MFF: variants seen among roughly 807,000 people sequenced by gnomAD.
The protein encoded by MFF is chromosome 2 open reading frame 33.
MFF carries 12 observed loss-of-function variants against 36.9 expected under a neutral mutation model. The observed-to-expected ratio is 0.33, with a 90% CI of 0.21 to 0.53. The LOEUF is 0.53. Ranked by LOEUF, MFF falls within the 20% of genes least tolerant of loss-of-function variation. MFF has a pLI of 0.95. For synonymous variants in MFF, 99 were observed against 126.2 expected (o/e 0.78, Z 1.44); for missense variants, 348 against 366.6 (o/e 0.95, Z 0.42).
At position 227,347,120 on chromosome 2, in the gene MFF, AG is replaced by A. The variant is rs376657778; in HGVS notation, c.441-102del. On this transcript the variant is annotated intron_variant, in intron 5 of 8. Transcript: ENST00000304593. The stretch of plus-strand genomic sequence containing the variant: ...TTGTGGGGAGAGTGAAGGGTGGGAA[AG>A]GGGCAAGAACACTAAGAAAATTAAG... 8.2e-3 allele frequency: 7,362 copies of A among 898,600 alleles called. 46 individuals are homozygous for A. The highest frequency in any genetic ancestry group is 0.01 in the Non-Finnish European group (5,912 of 582,448). 55.7% of individuals were successfully genotyped at this position (898,600 alleles called of 1,614,324 possible).
At chr2:227,345,419 A>G (rs6720713) in intron 5 of MFF, among the ~76,000 whole-genome samples, 150,984 of 152,364 alleles carry the variant, frequency 0.99, 74,814 homozygotes, top group East Asian at 1. Context: ...AATGATACAC[A>G]AAGTGTTCAA....
chr2:227,332,666 A>G (rs1391394159), intron 4 of MFF, 78 bp downstream of exon 4: 2 of 1,071,922 alleles, frequency 1.9e-6, no homozygotes, highest in Non-Finnish European at 1.3e-6. Flanking sequence ...AGGCTTTATC[A>G]TATCTTTAGC....
At chr2:227,341,080 A>T (rs1036905115) in intron 5 of MFF, among the ~76,000 whole-genome samples, 1 of 152,170 alleles carries the variant, frequency 6.6e-6, no homozygotes, top group African/African-American at 2.4e-5. Flanking sequence ...GTGGAAACTG[A>T]AAGAATCAGG....
intron 1 of MFF, among the ~76,000 whole-genome samples, chr2:227,326,016 C>G (rs1296226717): frequency 1.3e-5 from 2 of 152,098 alleles, no homozygotes; most frequent in African/African-American, 4.8e-5. Flanking sequence ...CAGTTGCTCT[C>G]GGGTTTCCTT....
chr2:227,326,695 G>C (rs1387650602), intron 1 of MFF, among the ~76,000 whole-genome samples: 1 of 152,164 alleles, frequency 6.6e-6, no homozygotes, highest in East Asian at 1.9e-4. Flanking sequence ...TTTAAATATA[G>C]TTTCTTTGAA....
chr2:227,328,420 A>T (rs1025425882), intron 1 of MFF, among the ~76,000 whole-genome samples: 9 of 151,706 alleles, frequency 5.9e-5, no homozygotes, highest in Non-Finnish European at 1.2e-4. Flanking sequence ...CATCTGCCAC[A>T]TTTTTCTAAA....
chr2:227,350,862 G>A (rs1301069076), intron 6 of MFF, among the ~76,000 whole-genome samples: 1 of 152,104 alleles, frequency 6.6e-6, no homozygotes, highest in African/African-American at 2.4e-5. Context: ...GTAGAAAATG[G>A]TACTTGAATG....
chr2:227,355,792 T>G (rs1193814677), intron 8 of MFF, 31 bp downstream of exon 8: 1 of 1,291,626 alleles, frequency 7.7e-7, no homozygotes, highest in South Asian at 1.2e-5. Context: ...GATATATTTC[T>G]CAGTTATATT....
intron 6 of MFF, among the ~76,000 whole-genome samples, chr2:227,349,990 A>G (rs1187226979): frequency 6.6e-6 from 1 of 152,154 alleles, no homozygotes; most frequent in Non-Finnish European, 1.5e-5. Flanking sequence ...CTATGAAGTA[A>G]TGCAGATTCA....
At chr2:227,342,993 AG>A (rs1259907599) in intron 5 of MFF, among the ~76,000 whole-genome samples, 1 of 151,966 alleles carries the variant, frequency 6.6e-6, no homozygotes, top group Non-Finnish European at 1.5e-5. Flanking sequence ...TGCTTTATTA[AG>A]GAAAAAAAAA....
At chr2:227,342,878 TTAATAC>T in intron 5 of MFF, 1 of 1,404,934 alleles carries the variant, frequency 7.1e-7, no homozygotes, top group Non-Finnish European at 1.0e-6. Flanking sequence ...AAGGATTATG[TTAATAC>T]TAATCTATTC....
chr2:227,328,439 A>G (rs1290580991), intron 1 of MFF, among the ~76,000 whole-genome samples: 1 of 152,232 alleles, frequency 6.6e-6, no homozygotes, highest in Non-Finnish European at 1.5e-5. Flanking sequence ...AATACAAATC[A>G]GAAACAATGA....
intron 4 of MFF, among the ~76,000 whole-genome samples, 179 bp from the exon 5 acceptor site, chr2:227,340,113 G>A (rs919711246): frequency 6.6e-6 from 1 of 151,416 alleles, no homozygotes; most frequent in Non-Finnish European, 1.5e-5. Flanking sequence ...TGTGTGTCTT[G>A]TTTTGTTTTT....
intron 5 of MFF, among the ~76,000 whole-genome samples, chr2:227,343,490 A>G (rs945448765): frequency 5.3e-5 from 8 of 152,172 alleles, no homozygotes; most frequent in Admixed American, 1.3e-4. Flanking sequence ...GCTTCCAGGA[A>G]CTATTCAGTT....
chr2:227,341,289 GT>G (rs5839202), intron 5 of MFF, among the ~76,000 whole-genome samples: 140,421 of 147,770 alleles, frequency 0.95, 66,946 homozygotes, highest in East Asian at 1. Context: ...GTAGAGAGAG[GT>G]TTTTTTTTTT....
chr2:227,327,767 C>T (rs2074266462), intron 1 of MFF, among the ~76,000 whole-genome samples: 2 of 152,194 alleles, frequency 1.3e-5, no homozygotes, highest in African/African-American at 4.8e-5. Context: ...GAGGTTCTAG[C>T]CACTTGGTTC....
intron 5 of MFF, chr2:227,346,136 CAAAT>C (rs2075698917): frequency 6.0e-6 from 1 of 165,928 alleles, no homozygotes; most frequent in South Asian, 2.1e-4. Flanking sequence ...AGTTTCCAAA[CAAAT>C]ACATGCTGTT....
At chr2:227,334,721 C>G (rs2074855558) in intron 4 of MFF, among the ~76,000 whole-genome samples, 1 of 152,164 alleles carries the variant, frequency 6.6e-6, no homozygotes, top group South Asian at 2.1e-4. Flanking sequence ...TTTGTGATCT[C>G]TATCTACAAG....
chr2:227,325,615 A>G (rs1009120685), intron 1 of MFF, 188 bp downstream of exon 1: 3 of 152,148 alleles, frequency 2.0e-5, no homozygotes, highest in African/African-American at 7.2e-5. Context: ...CCTCCCCGGG[A>G]CCTTGAGTCC....
Sources: gnomAD v4.1 joint callset for allele counts (sites outside exome capture counted in the v4.1 genomes callset) on GRCh38, gnomAD v4.1.1 for gene constraint, MANE v1.5 for transcripts, NCBI Gene and HGNC (gene_info 2026-07-23, HGNC 2026-07-21) for gene names.